Variants in TENM3 observed in about 807,000 individuals in gnomAD.
The protein encoded by TENM3 is teneurin transmembrane protein 3.
In TENM3, 63 loss-of-function variants were observed where a neutral mutation model predicts 255.1. That is an observed-to-expected ratio of 0.25 (90% confidence interval 0.20 to 0.30). The LOEUF is 0.30. Ranked by LOEUF, TENM3 falls within the 10% of genes least tolerant of loss-of-function variation. The probability of loss-of-function intolerance (pLI) is 1.00; values close to 1 mark genes in which losing one functional copy is unlikely to be tolerated. For synonymous variants in TENM3, 1,306 were observed against 1,322.3 expected, an observed-to-expected ratio of 0.99 and a Z score of 0.27; for missense variants, 2,929 against 3,461.1, an observed-to-expected ratio of 0.85 and a Z score of 3.86.
At chr4:181,683,118 G>A in the TENM3 span, among the ~76,000 whole-genome samples, 2 of 151,722 alleles carry the variant, frequency 1.3e-5, no homozygotes, top group South Asian at 2.1e-4. Context: ...GAAGTAGGAA[G>A]TGACAGCAAA....
At chr4:182,400,574 G>T (rs2151026003) in intron 3 of TENM3, among the ~76,000 whole-genome samples, 1 of 152,220 alleles carries the variant, frequency 6.6e-6, no homozygotes, top group South Asian at 2.1e-4. Context: ...TAACATCTTT[G>T]TGGATGAGAA....
At chr4:181,876,267 A>G in the TENM3 span, among the ~76,000 whole-genome samples, 2 of 152,176 alleles carry the variant, frequency 1.3e-5, no homozygotes, top group African/African-American at 2.4e-5. Flanking sequence ...CATATATCTC[A>G]TGTTTGGCAA....
chr4:182,469,180 C>T (rs1387928627), intron 3 of TENM3, among the ~76,000 whole-genome samples: 1 of 152,082 alleles, frequency 6.6e-6, no homozygotes, highest in Non-Finnish European at 1.5e-5. Flanking sequence ...ATCTGAATGT[C>T]TGCCTGAATG....
chr4:181,986,674 C>T, the TENM3 span, among the ~76,000 whole-genome samples: 1 of 151,984 alleles, frequency 6.6e-6, no homozygotes, highest in African/African-American at 2.4e-5. Context: ...ACTCTCACTC[C>T]CCCTGTCATC....
chr4:182,104,985 G>A, the TENM3 span, among the ~76,000 whole-genome samples: 2 of 152,172 alleles, frequency 1.3e-5, no homozygotes, highest in Admixed American at 6.5e-5. Flanking sequence ...GTGGAGACAG[G>A]AGAATCACTT....
the TENM3 span, among the ~76,000 whole-genome samples, chr4:181,998,129 A>T: frequency 6.6e-6 from 1 of 152,172 alleles, no homozygotes; most frequent in Admixed American, 6.5e-5. Flanking sequence ...TTCTTTTCTC[A>T]TGAACATCTG....
chr4:182,651,392 G>A lies in TENM3; in HGVS notation c.989-2379G>A, dbSNP rs112355053. ...AATCCTATAACCTATATCTTAATCC[G>A]TGAAAATCAGAGTTTAGGCCGGGCG... On this transcript the variant is annotated intron_variant, in intron 5 of 27. Coordinates refer to ENST00000511685, the MANE Select transcript of TENM3 (RefSeq NM_001080477.4). Among the ~76,000 whole-genome samples the A allele has an allele frequency of 6.1e-3, 926 of 152,142 alleles. 10 individuals carry two copies. Among genetic ancestry groups the A allele is most frequent in the African/African-American group, 0.021 (888 of 41,510 alleles).
the TENM3 span, among the ~76,000 whole-genome samples, chr4:182,092,685 G>T: frequency 6.6e-6 from 1 of 152,134 alleles, no homozygotes; most frequent in Non-Finnish European, 1.5e-5. Flanking sequence ...ATAAATAAAA[G>T]AATAAGCTGG....
intron 6 of TENM3, among the ~76,000 whole-genome samples, chr4:182,660,336 A>T (rs1754124401): frequency 2.6e-5 from 4 of 152,216 alleles, no homozygotes; most frequent in Admixed American, 2.6e-4. Flanking sequence ...CATCAAGTAT[A>T]TGCAAAGTAC....
chr4:182,295,223 A>G (rs1225647002), intron 1 of TENM3, among the ~76,000 whole-genome samples: 2 of 150,584 alleles, frequency 1.3e-5, no homozygotes, highest in Middle Eastern at 3.2e-3. Flanking sequence ...TTTACTCGGA[A>G]TATATATGGA....
the TENM3 span, among the ~76,000 whole-genome samples, chr4:181,701,170 T>G: frequency 1.3e-5 from 2 of 152,150 alleles, no homozygotes; most frequent in Admixed American, 1.3e-4. Flanking sequence ...CAGGTCAGAC[T>G]TGGGTTCAAC....
At chr4:182,262,801 C>T (rs1312693334) in intron 1 of TENM3, among the ~76,000 whole-genome samples, 13 of 150,464 alleles carry the variant, frequency 8.6e-5, no homozygotes, top group Admixed American at 4.6e-4. Flanking sequence ...CCAAGCTCCG[C>T]CTCCCGGGTT....
chr4:182,008,951 T>C, the TENM3 span, among the ~76,000 whole-genome samples: 1 of 152,112 alleles, frequency 6.6e-6, no homozygotes, highest in Non-Finnish European at 1.5e-5. Context: ...TTGTTACTGC[T>C]TTCTGCTTGT....
intron 7 of TENM3, among the ~76,000 whole-genome samples, chr4:182,679,025 C>T (rs944599617): frequency 6.6e-6 from 1 of 152,068 alleles, no homozygotes; most frequent in Non-Finnish European, 1.5e-5. Flanking sequence ...GACACATGGA[C>T]ACAGGGAGGG....
intron 3 of TENM3, among the ~76,000 whole-genome samples, chr4:182,503,312 T>G (rs1446213621): frequency 6.6e-6 from 1 of 152,148 alleles, no homozygotes; most frequent in Non-Finnish European, 1.5e-5. Flanking sequence ...ACAGGGACAT[T>G]CAGTCTTTAG....
In TENM3 at chr4:182,186,762, C is replaced by CAT. The variant is rs70954298; in HGVS notation, c.-76+42059_-76+42060dup. ...TTGGGTAAGAAATATACTAATGCAT[C>CAT]ATATATATATATATATATATATATA... is the stretch of plus-strand genomic sequence containing the variant. On this transcript the variant is annotated intron_variant, in intron 1 of 2. Coordinates refer to the TENM3 transcript ENST00000512480. Among the ~76,000 whole-genome samples the CAT allele has an allele frequency of 8.9e-3, 243 of 27,394 alleles. 27 individuals are homozygous for CAT. The highest frequency in any genetic ancestry group is 0.017 in the South Asian group (11 of 636). The allele number at this position is 27,394 out of a possible 152,430, so 18.0% of individuals were successfully genotyped here. A position where few individuals can be genotyped will look rare whatever the true frequency, so the allele number is the denominator to read the frequency against.
At chr4:182,597,492 C>T (rs1000341545) in intron 3 of TENM3, among the ~76,000 whole-genome samples, 1 of 152,262 alleles carries the variant, frequency 6.6e-6, no homozygotes, top group Admixed American at 6.5e-5. Flanking sequence ...TAATGTTTTT[C>T]ATAAGCAACC....
At chr4:182,419,924 G>A (rs1003206821) in intron 3 of TENM3, among the ~76,000 whole-genome samples, 4 of 151,906 alleles carry the variant, frequency 2.6e-5, no homozygotes, top group Admixed American at 2.6e-4. Context: ...TGTAAATGAC[G>A]AGTTAACAGG....
chr4:182,446,080 T>C (rs542297472), intron 3 of TENM3, among the ~76,000 whole-genome samples: 4 of 152,348 alleles, frequency 2.6e-5, no homozygotes, highest in African/African-American at 9.6e-5. Context: ...GGAAGATATA[T>C]GTGGAAACCA....
Sources: allele counts gnomAD v4.1 joint callset (sites outside exome capture counted in the v4.1 genomes callset), GRCh38; gene constraint gnomAD v4.1.1; transcripts MANE v1.5; gene names NCBI Gene and HGNC (gene_info 2026-07-23, HGNC 2026-07-21).